Variants in ALMS1 observed in about 807,000 individuals in gnomAD.
The protein encoded by ALMS1 is ALMS1 centrosome and basal body associated protein.
Under a neutral mutation model 352.2 loss-of-function variants are expected in ALMS1, and 271 were observed. The ratio of observed to expected loss-of-function variants is 0.77; its 90% CI spans 0.70 to 0.85. The LOEUF (loss-of-function observed/expected upper bound fraction) is 0.85, where lower values mean the gene tolerates loss of function less well. Among genes scored for constraint, ALMS1 ranks in the 40% least tolerant of loss-of-function variants. The pLI, the probability that ALMS1 is intolerant of heterozygous loss-of-function variation, is 0.00. For synonymous variants in ALMS1, 1,865 were observed against 1,761.2 expected (o/e 1.06, Z -1.48); for missense variants, 5,445 against 4,870.7 (o/e 1.12, Z -3.51).
chr2:73,409,423 T>C (rs1214946653), intron 2 of ALMS1, among the ~76,000 whole-genome samples: 1 of 152,156 alleles, frequency 6.6e-6, no homozygotes, highest in African/African-American at 2.4e-5. Flanking sequence ...TCAGGACTCT[T>C]TATATTCTTC....
At chr2:73,447,012 C>T (rs1348137762) in intron 7 of ALMS1, among the ~76,000 whole-genome samples, 2 of 151,946 alleles carry the variant, frequency 1.3e-5, no homozygotes, top group African/African-American at 4.8e-5. Context: ...TTGTCAGCCT[C>T]CTCCTGCTAG....
chr2:73,603,914 C>G (rs1417599534), intron 21 of ALMS1: 1 of 152,818 alleles, frequency 6.5e-6, no homozygotes, highest in African/African-American at 2.4e-5. Context: ...GTATTTAGAC[C>G]ACATCTTTTA....
chr2:73,585,280 C>G (rs750722575), intron 16 of ALMS1, among the ~76,000 whole-genome samples: 2 of 152,042 alleles, frequency 1.3e-5, no homozygotes, highest in Non-Finnish European at 2.9e-5. Flanking sequence ...CACGTCCACA[C>G]CAACATCTAT....
In ALMS1 at chr2:73,408,699, T is replaced by G; in HGVS notation, c.402T>G (p.Asn134Lys). Reference sequence around the variant, plus strand: ...GTAGAACACAAATTTCTGATACTAATGTGGTCTGTTTGGAAACAACAGCTC... The same window carrying G: ...GTAGAACACAAATTTCTGATACTAAGGTGGTCTGTTTGGAAACAACAGCTC... ...GNSRTQISDTNVVCLETTAQR... is the reference protein window; with the variant it reads ...GNSRTQISDTKVVCLETTAQR... The change falls in exon 2 of 23, where the codon AAT (asparagine) becomes AAG (lysine). Residue 134 changes from asparagine to lysine, a missense_variant. Transcript: ENST00000613296. The G allele has an allele frequency of 1.9e-6, 3 of 1,613,664 alleles. No individual in the cohort carries two copies. Among genetic ancestry groups the G allele is most frequent in the Non-Finnish European group, 2.5e-6 (3 of 1,179,828 alleles).
At chr2:73,504,993 G>GT (rs1673292381) in intron 10 of ALMS1, among the ~76,000 whole-genome samples, 1 of 152,118 alleles carries the variant, frequency 6.6e-6, no homozygotes, top group Admixed American at 6.5e-5. Flanking sequence ...CTATTCCTGT[G>GT]TTAGTTTGCT....
chr2:73,441,942 A>C (rs1451169505), intron 7 of ALMS1, among the ~76,000 whole-genome samples: 1 of 152,128 alleles, frequency 6.6e-6, no homozygotes, highest in African/African-American at 2.4e-5. Context: ...TGAGGTAAAG[A>C]TCTTTCTCAG....
chr2:73,449,084 G>A lies in ALMS1; in HGVS notation c.2557G>A (p.Val853Ile). The change falls in exon 8 of 23, where the codon GTA becomes ATA. Residue 853 changes from valine to isoleucine, a missense_variant. By Grantham distance (29) the Val-to-Ile change is conservative. Coordinates refer to ENST00000613296, the MANE Select transcript of ALMS1 (RefSeq NM_001378454.1). ...PADGKTGTPA[V>I]TSTSSASSSL... ...TGACGGAAAGACTGGGACACCAGCT[G>A]TAACCTCTACTTCCTCTGCGTCCTC... is the stretch of plus-strand genomic sequence containing the variant. The A allele has an allele frequency of 6.2e-7, 1 of 1,614,144 alleles. No individual in the cohort carries two copies.
At chr2:73,436,773 T>G (rs1023995204) in intron 7 of ALMS1, among the ~76,000 whole-genome samples, 6 of 152,244 alleles carry the variant, frequency 3.9e-5, no homozygotes, top group Admixed American at 6.5e-5. Flanking sequence ...GATGTGACTT[T>G]GCCATCATAC....
Position 73,490,994 on chromosome 2 carries a change from T to C in ALMS1, c.9035T>C (p.Val3012Ala). 6.2e-7 allele frequency: 1 copy of C among 1,614,222 alleles called. No homozygotes were observed. The highest frequency in any genetic ancestry group is 8.5e-7 in the Non-Finnish European group (1 of 1,180,036). The change falls in exon 10 of 23, where the codon GTT (valine) becomes GCT (alanine). Residue 3012 changes from valine (V) to alanine (A), a missense_variant. Transcript: ENST00000613296. ...KPKSHISNIN[V>A]EAKFNTVVSQ... ...AAATCACACATTTCTAATATAAATG[T>C]TGAAGCCAAGTTCAATACTGTGGTC...
At position 73,490,230 on chromosome 2, in the gene ALMS1, A is replaced by T; in HGVS notation, c.8271A>T (p.Glu2757Asp). The change falls in exon 10 of 23, where the codon GAA becomes GAT. Residue 2757 changes from glutamate (E) to aspartate (D), a missense_variant. By Grantham distance (45) the Glu-to-Asp change is conservative. Transcript: ENST00000613296. ...TATTTAATTCTCATTTCACTGAAGA[A>T]CAAAATCCTCCCAGAGATCTTAAAC... ...VGVFNSHFTE[E>D]QNPPRDLKQK... The T allele has an allele frequency of 6.2e-7, 1 of 1,614,184 alleles. No individual in the cohort carries two copies. The highest frequency in any genetic ancestry group is 8.5e-7 in the Non-Finnish European group (1 of 1,180,028).
intron 16 of ALMS1, among the ~76,000 whole-genome samples, chr2:73,579,986 C>T (rs1467005528): frequency 6.6e-6 from 1 of 152,190 alleles, no homozygotes; most frequent in Non-Finnish European, 1.5e-5. Context: ...TTCTTTCTCT[C>T]TTCTTTTGGG....
At chr2:73,423,428 G>T (rs1353223510) in intron 4 of ALMS1, among the ~76,000 whole-genome samples, 1 of 152,134 alleles carries the variant, frequency 6.6e-6, no homozygotes. Context: ...GTGTCAATAT[G>T]AAGTAAGAAG....
At chr2:73,512,992 A>G (rs1225244716) in intron 10 of ALMS1, among the ~76,000 whole-genome samples, 2 of 152,202 alleles carry the variant, frequency 1.3e-5, no homozygotes, top group Non-Finnish European at 2.9e-5. Flanking sequence ...ATTAAAAACC[A>G]TATGTTCATC....
At chr2:73,526,744 A>T (rs115378298) in intron 11 of ALMS1, among the ~76,000 whole-genome samples, 2,472 of 152,220 alleles carry the variant, frequency 0.016, 67 homozygotes, top group African/African-American at 0.056. Context: ...TTCCTTTCCA[A>T]TCTGGATCTC....
rs1386201636 is a variant in ALMS1 at position 73,490,680 on chromosome 2, T to C, written c.8721T>C (p.Ser2907=). 6.2e-7 allele frequency: 1 copy of C among 1,614,114 alleles called. No individual in the cohort carries two copies. Among genetic ancestry groups the C allele is most frequent in the Admixed American group, 1.7e-5 (1 of 60,014 alleles). Residue 2907 remains serine (S), a synonymous_variant, in exon 10 of 23, where the codon TCT becomes TCC. Transcript: ENST00000613296. The part of the protein sequence containing the change: ...DDHVRKHHSP[S]PQHQDYVAPD... ...ATGTGAGGAAACACCATTCTCCCTC[T>C]CCTCAACATCAGGATTATGTAGCTC...
chr2:73,385,823 TC>T (rs764473588), upstream of ALMS1: 2,119 of 658,344 alleles, frequency 3.2e-3, 4 homozygotes, highest in Non-Finnish European at 4.6e-3. Flanking sequence ...TTCCCCTCCC[TC>T]CCCCCCTCCT....
chr2:73,606,223 A>G (rs1262994797), intron 21 of ALMS1, among the ~76,000 whole-genome samples: 3 of 152,266 alleles, frequency 2.0e-5, no homozygotes, highest in Non-Finnish European at 4.4e-5. Flanking sequence ...TGAATAAAAA[A>G]ATAAAGTTTT....
At chr2:73,562,688 G>A (rs1674690079) in intron 15 of ALMS1, among the ~76,000 whole-genome samples, 1 of 152,048 alleles carries the variant, frequency 6.6e-6, no homozygotes, top group Non-Finnish European at 1.5e-5. Flanking sequence ...AGGAGTTTGA[G>A]ACCAGCCTGA....
intron 9 of ALMS1, among the ~76,000 whole-genome samples, chr2:73,484,363 G>A (rs1672780641): frequency 6.6e-6 from 1 of 150,598 alleles, no homozygotes; most frequent in African/African-American, 2.4e-5. Flanking sequence ...GAAATTCTGG[G>A]TTGAAAATTC....
Sources: allele counts gnomAD v4.1 joint callset (sites outside exome capture counted in the v4.1 genomes callset), GRCh38; gene constraint gnomAD v4.1.1; transcripts MANE v1.5; gene names NCBI Gene and HGNC (gene_info 2026-07-23, HGNC 2026-07-21).